Variants in C16orf96 observed in about 807,000 individuals in gnomAD.
C16orf96 encodes uncharacterized protein C16orf96.
C16orf96 carries 108 observed loss-of-function variants against 103.6 expected under a neutral mutation model. The ratio of observed to expected loss-of-function variants is 1.04; its 90% CI spans 0.89 to 1.22. The LOEUF (loss-of-function observed/expected upper bound fraction) is 1.22. C16orf96 is among the 50% of genes most tolerant of loss of function. The pLI is 0.00. For missense variants in C16orf96, 1,586 were observed against 1,464.2 expected (o/e 1.08, Z -1.36); for synonymous variants, 566 against 593.5 (o/e 0.95, Z 0.67).
chr16:4,546,457 CTTT>C, the C16orf96 span, among the ~76,000 whole-genome samples: 1 of 104,550 alleles, frequency 9.6e-6, no homozygotes, highest in African/African-American at 3.5e-5. Flanking sequence ...CGCGCCCGGA[CTTT>C]TTTTTTTTTT....
Position 4,571,115 on chromosome 16 carries a change from G to A in C16orf96, c.421-446G>A, listed in dbSNP as rs956128411. Reference sequence around the variant, plus strand: ...GCAGGAGAATCACTTGAGCCCAGGAGGTGGAGGTTACAGTGAGTTGAGATC... The same window carrying A: ...GCAGGAGAATCACTTGAGCCCAGGAAGTGGAGGTTACAGTGAGTTGAGATC... On this transcript the variant is annotated intron_variant, in intron 1 of 15. Transcript: ENST00000444310. Among the ~76,000 whole-genome samples the A allele has an allele frequency of 2.2e-4, 33 of 152,304 alleles. 1 individual carries two copies. In the South Asian group the frequency reaches 5.4e-3, roughly 25 times the overall value.
chr16:4,600,169 C>T lies in C16orf96; in HGVS notation c.3278C>T (p.Pro1093Leu), dbSNP rs757306690. The change falls in exon 16 of 16, where the codon CCT becomes CTT. Residue 1093 changes from proline (P) to leucine (L), a missense_variant. Physicochemically the swap from Pro to Leu is moderately conservative, Grantham distance 98. Transcript: ENST00000444310. ...GPHLTMPARP[P>L]SLPPLLLLPP... ...CACCTGACGATGCCAGCTCGACCAC[C>T]TTCCCTGCCACCTCTGCTGCTGCTG... 4.5e-6 allele frequency: 7 copies of T among 1,551,518 alleles called. No individual in the cohort carries two copies. The highest frequency in any genetic ancestry group is 1.4e-5 in the African/African-American group (1 of 73,024).
chr16:4,599,965 G>A (rs1371610249), intron 15 of C16orf96, 135 bp from the exon 16 acceptor site: 17 of 901,024 alleles, frequency 1.9e-5, no homozygotes, highest in Admixed American at 1.3e-4. Context: ...GAGGTATGGT[G>A]CCCAGCCGGC....
At chr16:4,578,594 C>A (rs1010748925) in intron 5 of C16orf96, among the ~76,000 whole-genome samples, 2 of 151,968 alleles carry the variant, frequency 1.3e-5, no homozygotes, top group African/African-American at 4.8e-5. Flanking sequence ...CCTGTCTCTA[C>A]TAAAAATACA....
chr16:4,546,881 T>G, the C16orf96 span, among the ~76,000 whole-genome samples: 2 of 152,240 alleles, frequency 1.3e-5, no homozygotes, highest in African/African-American at 4.8e-5. Context: ...AATGAAGCAC[T>G]GATCCGTGCT....
chr16:4,568,629 ATTT>A (rs34974380), intron 1 of C16orf96, among the ~76,000 whole-genome samples: 1 of 125,566 alleles, frequency 8.0e-6, no homozygotes, highest in Non-Finnish European at 1.6e-5. Flanking sequence ...TTTCTTTTTA[ATTT>A]TTTTTTTTTT....
chr16:4,598,157 A>C (rs1296137740), intron 14 of C16orf96, among the ~76,000 whole-genome samples: 1 of 151,854 alleles, frequency 6.6e-6, no homozygotes, highest in Non-Finnish European at 1.5e-5. Flanking sequence ...TTCGAGACCA[A>C]CCTGGGCAAC....
chr16:4,588,197 G>T lies in C16orf96; in HGVS notation c.2458G>T (p.Ala820Ser). 3 of 1,551,480 alleles carry T rather than the reference G, an allele frequency of 1.9e-6. No homozygotes were observed. The highest frequency in any genetic ancestry group is 2.6e-6 in the Non-Finnish European group (3 of 1,146,916). Residue 820 changes from alanine to serine, a missense_variant, in exon 9 of 16, where the codon GCA becomes TCA. By Grantham distance (99) the Ala-to-Ser change is moderately conservative. Coordinates refer to ENST00000444310, the MANE Select transcript of C16orf96 (RefSeq NM_001145011.2). Reference protein sequence around the residue: ...KADRSALAGKASRVDLETVAL... With the variant: ...KADRSALAGKSSRVDLETVAL... ...TGACAGGAGTGCCCTGGCAGGCAAG[G>T]CAAGCCGCGTTGACCTGGAGACTGT... is the stretch of plus-strand genomic sequence containing the variant.
At chr16:4,559,779 A>G (rs2059308424) in intron 1 of C16orf96, among the ~76,000 whole-genome samples, 1 of 152,154 alleles carries the variant, frequency 6.6e-6, no homozygotes, top group African/African-American at 2.4e-5. Context: ...GCAACCCCTG[A>G]CAACCACTAA....
intron 12 of C16orf96, among the ~76,000 whole-genome samples, 196 bp from the exon 13 acceptor site, chr16:4,594,155 C>A (rs1476579953): frequency 6.6e-6 from 1 of 152,240 alleles, no homozygotes; most frequent in East Asian, 1.9e-4. Flanking sequence ...AAATGCAGGT[C>A]TCAATTTGAT....
upstream of C16orf96, among the ~76,000 whole-genome samples, chr16:4,552,885 A>C (rs144091718): frequency 9.2e-5 from 14 of 152,326 alleles, no homozygotes; most frequent in East Asian, 2.3e-3. Context: ...GAATGGTTAC[A>C]GTGTTAACAT....
intron 14 of C16orf96, among the ~76,000 whole-genome samples, chr16:4,596,823 C>T (rs958345035): frequency 6.6e-6 from 1 of 152,228 alleles, no homozygotes; most frequent in African/African-American, 2.4e-5. Context: ...CAGGGCTGCA[C>T]TCCCTCCAAA....
intron 7 of C16orf96, among the ~76,000 whole-genome samples, chr16:4,581,155 TATATATATATATATATATATATATATATA>T (rs1358243014): frequency 1.6e-4 from 15 of 96,738 alleles, no homozygotes; most frequent in Non-Finnish European, 1.7e-4. Flanking sequence ...TATATATATA[TATATATATATATATATATATATATATATA>T]ATTAGCCAGG....
At chr16:4,572,450 C>T (rs2059450532) in intron 2 of C16orf96, among the ~76,000 whole-genome samples, 2 of 151,918 alleles carry the variant, frequency 1.3e-5, no homozygotes, top group Admixed American at 1.3e-4. Context: ...CAGGCGCCCG[C>T]CCCCATGCCC....
chr16:4,587,927 G>C (rs1011908687), intron 8 of C16orf96, among the ~76,000 whole-genome samples: 5 of 152,094 alleles, frequency 3.3e-5, no homozygotes, highest in African/African-American at 4.8e-5. Context: ...CCTTGAACAA[G>C]ATCCTGTCTC....
chr16:4,591,741 G>A lies in C16orf96; in HGVS notation c.2668G>A (p.Glu890Lys), dbSNP rs1167339576. ...VWKIVRKLLI[E>K]GLRLDPDSAA... Reference sequence around the variant, plus strand: ...GAAAATCGTCCGGAAGCTGCTGATTGAGGGCTTAAGACTGGATCCTGACAG... The same window carrying A: ...GAAAATCGTCCGGAAGCTGCTGATTAAGGGCTTAAGACTGGATCCTGACAG... Residue 890 changes from glutamate to lysine, a missense_variant, in exon 10 of 16, where the codon GAG becomes AAG. Glu to Lys is a moderately conservative substitution (Grantham distance 56). Coordinates refer to ENST00000444310, the MANE Select transcript of C16orf96 (RefSeq NM_001145011.2). The A allele has an allele frequency of 5.2e-6, 8 of 1,551,714 alleles. No homozygotes were observed. The highest frequency in any genetic ancestry group is 7.0e-6 in the Non-Finnish European group (8 of 1,147,010).
At chr16:4,567,234 C>T (rs2059391466) in intron 1 of C16orf96, among the ~76,000 whole-genome samples, 1 of 148,148 alleles carries the variant, frequency 6.8e-6, no homozygotes, top group African/African-American at 2.5e-5. Flanking sequence ...AAATTAGTTT[C>T]TAATTTCTAT....
chr16:4,588,063 A>C, intron 8 of C16orf96, 104 bp from the exon 9 acceptor site: 1 of 1,205,426 alleles, frequency 8.3e-7, no homozygotes, highest in Admixed American at 2.8e-5. Context: ...CTAAAAGTCC[A>C]GAGTCCCAAA....
chr16:4,589,736 A>G (rs1013302254), intron 9 of C16orf96, among the ~76,000 whole-genome samples: 3 of 152,218 alleles, frequency 2.0e-5, no homozygotes, highest in Non-Finnish European at 4.4e-5. Context: ...TGCTAATTGT[A>G]TTAAACATGA....
Sources: gnomAD v4.1 joint callset for allele counts (sites outside exome capture counted in the v4.1 genomes callset) on GRCh38, gnomAD v4.1.1 for gene constraint, MANE v1.5 for transcripts, NCBI Gene and HGNC (gene_info 2026-07-23, HGNC 2026-07-21) for gene names.